The following MAP3K7 variants were observed in gnomAD, a reference collection of about 807,000 sequenced individuals.
MAP3K7 encodes TGF-beta activated kinase 1.
MAP3K7 carries 21 observed loss-of-function variants against 84.8 expected under a neutral mutation model. That is an observed-to-expected ratio of 0.25 (90% CI 0.18 to 0.36). The LOEUF (loss-of-function observed/expected upper bound fraction) is 0.36. MAP3K7 is among the 10% of genes least tolerant of loss of function. The pLI is 1.00. For synonymous variants in MAP3K7, 241 were observed against 247.7 expected (o/e 0.97, Z 0.25); for missense variants, 503 against 747.7 (o/e 0.67, Z 3.82).
chr6:90,586,699 G>T, intron 1 of MAP3K7, 65 bp downstream of exon 1: 8 of 1,536,378 alleles, frequency 5.2e-6, no homozygotes, highest in Non-Finnish European at 7.0e-6. Context: ...CTTCAGAGCC[G>T]GCACCAGGCA....
intron 5 of MAP3K7, among the ~76,000 whole-genome samples, chr6:90,557,820 T>C (rs892525477): frequency 6.6e-6 from 1 of 152,220 alleles, no homozygotes; most frequent in Non-Finnish European, 1.5e-5. Flanking sequence ...ATTATCTTTG[T>C]AGGCTTACTT....
chr6:90,527,871 T>TAAAAAGCACC (rs948054028), intron 13 of MAP3K7, among the ~76,000 whole-genome samples: 19 of 30,598 alleles, frequency 6.2e-4, no homozygotes, highest in South Asian at 2.2e-3. Flanking sequence ...AAGGACTTTT[T>TAAAAAGCACC]TTTTTTTTTT....
intron 13 of MAP3K7, among the ~76,000 whole-genome samples, chr6:90,526,664 A>C (rs1376786971): frequency 6.6e-6 from 1 of 152,072 alleles, no homozygotes; most frequent in Non-Finnish European, 1.5e-5. Context: ...TTTGCCTCCC[A>C]AAATGAAAAA....
chr6:90,548,119 C>A lies in MAP3K7; in HGVS notation c.1008G>T (p.Glu336Asp). Residue 336 changes from glutamate to aspartate, a missense_variant, in exon 10 of 17, where the codon GAG becomes GAT. By Grantham distance (45) the Glu-to-Asp change is conservative (BLOSUM62 2). Around this residue, in one of 5 missense-constraint regions of MAP3K7, gnomAD observed 286 missense variants for 313.6 expected, o/e 0.91. Coordinates refer to ENST00000369329, the MANE Select transcript of MAP3K7 (RefSeq NM_145331.3). The stretch of plus-strand genomic sequence containing the variant: ...TAGTATCATTTGTGGCAGGAACTTG[C>A]TCCATATTAGTGTCACTTTTGTTAC... ...NTSNKSDTNM[E>D]QVPATNDTIK... 6.2e-7 allele frequency: 1 copy of A among 1,612,258 alleles called. No homozygotes were observed. Among genetic ancestry groups the A allele is most frequent in the South Asian group, 1.1e-5 (1 of 90,926 alleles).
intron 5 of MAP3K7, among the ~76,000 whole-genome samples, chr6:90,558,135 A>C (rs1776393656): frequency 6.6e-6 from 1 of 152,018 alleles, no homozygotes; most frequent in South Asian, 2.1e-4. Context: ...ATCCTGGCTA[A>C]CACAGTGAAA....
chr6:90,519,669 T>G (rs1775083870), intron 14 of MAP3K7, among the ~76,000 whole-genome samples: 1 of 151,976 alleles, frequency 6.6e-6, no homozygotes, highest in Non-Finnish European at 1.5e-5. Context: ...CTAATCAAAC[T>G]CCCCATCTCT....
intron 3 of MAP3K7, among the ~76,000 whole-genome samples, chr6:90,566,843 C>T (rs157426): frequency 0.072 from 10,880 of 151,256 alleles, 1,336 homozygotes; most frequent in African/African-American, 0.25. Context: ...CAAAACAGCA[C>T]GGTACTGGTA....
intron 12 of MAP3K7, chr6:90,542,449 A>G: frequency 3.0e-6 from 3 of 985,198 alleles, no homozygotes; most frequent in Non-Finnish European, 3.6e-6. Flanking sequence ...AATTAAGAGA[A>G]TTAAGGTTAC....
chr6:90,548,656 G>T (rs2127972507), intron 9 of MAP3K7, among the ~76,000 whole-genome samples: 1 of 152,150 alleles, frequency 6.6e-6, no homozygotes, highest in Non-Finnish European at 1.5e-5. Flanking sequence ...CCAAGGAAAT[G>T]AGTGCAGACA....
At chr6:90,556,461 A>G in intron 6 of MAP3K7, 39 bp downstream of exon 6, 1 of 1,600,046 alleles carries the variant, frequency 6.2e-7, no homozygotes, top group Non-Finnish European at 8.5e-7. Flanking sequence ...ACAAGGAGTG[A>G]GGGAGATTAT....
intron 1 of MAP3K7, among the ~76,000 whole-genome samples, chr6:90,584,900 C>T (rs1436602111): frequency 6.6e-6 from 1 of 152,116 alleles, no homozygotes; most frequent in Non-Finnish European, 1.5e-5. Context: ...GCTGCATCAA[C>T]TATCCACTTC....
chr6:90,570,840 C>T (rs1160542936), intron 2 of MAP3K7, among the ~76,000 whole-genome samples: 1 of 152,066 alleles, frequency 6.6e-6, no homozygotes, highest in Non-Finnish European at 1.5e-5. Flanking sequence ...AAAAATATTG[C>T]ATAAAACAAA....
At chr6:90,526,350 A>G (rs1775321934) in intron 13 of MAP3K7, among the ~76,000 whole-genome samples, 1 of 152,194 alleles carries the variant, frequency 6.6e-6, no homozygotes, top group African/African-American at 2.4e-5. Context: ...CTAAGCTATA[A>G]AGCAAATCTC....
In MAP3K7 at chr6:90,516,035, A is replaced by G. The variant is rs1164046934; in HGVS notation, c.*466T>C. On this transcript the variant is annotated 3_prime_UTR_variant, in exon 17 of 17. Transcript: ENST00000369329. ...ATATACCACCAATCACTCTAAATTT[A>G]TAATACCCTGTCTTTAACTTGGTAT... is the stretch of plus-strand genomic sequence containing the variant. The G allele has an allele frequency of 5.9e-6, 1 of 170,242 alleles. No homozygotes were observed. Among genetic ancestry groups the G allele is most frequent in the African/African-American group, 2.4e-5 (1 of 41,504 alleles). The allele number at this position is 170,242 out of a possible 1,614,324, so 10.5% of individuals were successfully genotyped here. A position where few individuals can be genotyped will look rare whatever the true frequency, so the allele number is the denominator to read the frequency against.
intron 14 of MAP3K7, 72 bp downstream of exon 14, chr6:90,523,606 G>T: frequency 1.0e-6 from 1 of 974,940 alleles, no homozygotes; most frequent in Non-Finnish European, 1.7e-6. Context: ...AAACATTAGA[G>T]TAATGACATG....
intron 13 of MAP3K7, among the ~76,000 whole-genome samples, chr6:90,527,903 G>A (rs1775377650): frequency 9.7e-5 from 1 of 10,332 alleles, no homozygotes; most frequent in Admixed American, 7.2e-4. Context: ...TTTTGAGACG[G>A]AGTCTCGCTC....
At chr6:90,566,754 A>C (rs1457137413) in intron 3 of MAP3K7, among the ~76,000 whole-genome samples, 6 of 152,206 alleles carry the variant, frequency 3.9e-5, no homozygotes, top group Non-Finnish European at 7.3e-5. Flanking sequence ...CACATTGCCA[A>C]GACAATCCTA....
intron 3 of MAP3K7, among the ~76,000 whole-genome samples, chr6:90,561,969 GAGGTTAT>G (rs1219464841): frequency 6.6e-6 from 1 of 152,168 alleles, no homozygotes; most frequent in Non-Finnish European, 1.5e-5. Context: ...ATAAGAAGAT[GAGGTTAT>G]TGGACAAAAT....
At position 90,560,062 on chromosome 6, in the gene MAP3K7, T is replaced by G. The variant is rs749421811; in HGVS notation, c.482+14A>C. 2 of 1,614,018 alleles carry G rather than the reference T, an allele frequency of 1.2e-6. No individual in the cohort carries two copies. The highest frequency in any genetic ancestry group is 1.7e-6 in the Non-Finnish European group (2 of 1,180,024). ...GAGGAAGAGGCTGAGGGGTGTCACATTATTATAACTTACTTTGGTGGTTTC... is the reference window on the plus strand; with the variant it reads ...GAGGAAGAGGCTGAGGGGTGTCACAGTATTATAACTTACTTTGGTGGTTTC... On this transcript the variant is annotated intron_variant, in intron 5 of 16. Transcript: ENST00000369329.
Sources: allele counts gnomAD v4.1 joint callset (sites outside exome capture counted in the v4.1 genomes callset), GRCh38; gene constraint gnomAD v4.1.1; regional missense constraint gnomAD v4.1.1; transcripts MANE v1.5; gene names NCBI Gene and HGNC (gene_info 2026-07-23, HGNC 2026-07-21).